The following KLHL25 variants were observed in gnomAD, a reference collection of about 807,000 sequenced individuals.
KLHL25 encodes the protein kelch-like protein 25.
In KLHL25, 41 loss-of-function variants were observed where a neutral mutation model predicts 30.0. The ratio of observed to expected loss-of-function variants is 1.37; its 90% CI spans 1.07 to 1.78. KLHL25 has a LOEUF of 1.78. Ranked by LOEUF, KLHL25 falls within the 40% of genes most tolerant of loss-of-function variation. The pLI is 0.00. For synonymous variants in KLHL25, 399 were observed against 355.3 expected, an observed-to-expected ratio of 1.12 and a Z score of -1.38; for missense variants, 971 against 824.5, an observed-to-expected ratio of 1.18 and a Z score of -2.18.
At chr15:85,763,084 G>A (rs1466336953) in intron 2 of KLHL25, 2 of 152,352 alleles carry the variant, frequency 1.3e-5, no homozygotes, top group Non-Finnish European at 1.5e-5. Context: ...TAAAGGGCCT[G>A]GAGTACGGGG....
intron 1 of KLHL25, among the ~76,000 whole-genome samples, chr15:85,784,970 T>C (rs377270407): frequency 1.3e-5 from 2 of 152,204 alleles, no homozygotes; most frequent in Non-Finnish European, 2.9e-5. Context: ...CTAGTCATAA[T>C]GTATAGACAT....
chr15:85,760,999 T>G lies in KLHL25; in HGVS notation c.*37A>C, dbSNP rs1165446025. 6.6e-6 allele frequency: 1 copy of G among 152,418 alleles called. No homozygotes were observed. Among genetic ancestry groups the G allele is most frequent in the Admixed American group, 6.5e-5 (1 of 15,294 alleles). The allele number at this position is 152,418 out of a possible 1,614,324, so 9.4% of individuals were successfully genotyped here. ...GACAAGCAAGGCCACGCTGTGACAC[T>G]GAAGGCCGCGGTCTGTGGAGGGAGG... On this transcript the variant is annotated 3_prime_UTR_variant, in exon 3 of 3. Transcript: ENST00000337975.
In KLHL25 at chr15:85,785,356, G is replaced by C. The variant is rs375132751; in HGVS notation, c.-11+9410C>G. Reference sequence around the variant, plus strand: ...GATCTGCCTGCCTCAGCCTCCCAAAGTGCTGGGATTACAGGCATGAGCCAC... The same window carrying C: ...GATCTGCCTGCCTCAGCCTCCCAAACTGCTGGGATTACAGGCATGAGCCAC... On this transcript the variant is annotated intron_variant, in intron 1 of 2. Coordinates refer to ENST00000337975, the MANE Select transcript of KLHL25 (RefSeq NM_022480.4). Among the ~76,000 whole-genome samples the C allele has an allele frequency of 2.0e-4, 31 of 152,318 alleles. No individual in the cohort carries two copies. The East Asian group carries it at 5.4e-3, about 27-fold the overall frequency.
At chr15:85,791,390 G>A (rs887919096) in intron 1 of KLHL25, among the ~76,000 whole-genome samples, 2 of 152,128 alleles carry the variant, frequency 1.3e-5, no homozygotes, top group Non-Finnish European at 2.9e-5. Flanking sequence ...AGCTACTCAG[G>A]AGGCTGAGGC....
chr15:85,791,194 C>CA (rs67417642), intron 1 of KLHL25, among the ~76,000 whole-genome samples: 66,876 of 118,934 alleles, frequency 0.56, 19,816 homozygotes, highest in African/African-American at 0.79. Flanking sequence ...GACTCAGTCT[C>CA]AAAAAAAAAA....
At chr15:85,783,313 C>T (rs1013769687) in intron 1 of KLHL25, among the ~76,000 whole-genome samples, 26 of 151,678 alleles carry the variant, frequency 1.7e-4, no homozygotes, top group African/African-American at 5.8e-4. Flanking sequence ...AGGCTGGTCT[C>T]GAACTCCTGA....
At position 85,779,927 on chromosome 15, in the gene KLHL25, T is replaced by C. The variant is rs1345855179; in HGVS notation, c.-10-10107A>G. On this transcript the variant is annotated intron_variant, in intron 1 of 2. Coordinates refer to ENST00000337975, the MANE Select transcript of KLHL25 (RefSeq NM_022480.4). ...GCTTCTGTTGGTTCACTGTATTCTC[T>C]TGAGATAAATCCTTTTGAGAAAAAA... 3.9e-5 allele frequency among the ~76,000 whole-genome samples: 6 copies of C among 152,244 alleles called. No homozygotes were observed. The East Asian group carries it at 1.2e-3, about 29-fold the overall frequency.
At chr15:85,776,468 G>A (rs981766342) in intron 1 of KLHL25, among the ~76,000 whole-genome samples, 3 of 152,128 alleles carry the variant, frequency 2.0e-5, no homozygotes, top group African/African-American at 2.4e-5. Context: ...CAGCCTGGGC[G>A]ACAGAGAGGC....
intron 1 of KLHL25, among the ~76,000 whole-genome samples, chr15:85,772,715 G>C (rs2089685265): frequency 6.6e-6 from 1 of 152,184 alleles, no homozygotes; most frequent in Non-Finnish European, 1.5e-5. Context: ...ATTGAAACAG[G>C]GCAGCCACAA....
In KLHL25 at chr15:85,769,254, T is replaced by C. The variant is rs142617218; in HGVS notation, c.557A>G (p.Asn186Ser). The change falls in exon 2 of 3, where the codon AAC (asparagine) becomes AGC (serine). Residue 186 changes from asparagine to serine, a missense_variant. Transcript: ENST00000337975. ...FETVRQSEDF[N>S]SLSKDTLLDL... ...CAGCAGTGTGTCCTTGGACAGGCTG[T>C]TGAAGTCCTCGCTCTGCCTCACCGT... The C allele has an allele frequency of 5.6e-6, 9 of 1,613,524 alleles. No homozygotes were observed. Among genetic ancestry groups the C allele is most frequent in the Admixed American group, 1.7e-5 (1 of 60,008 alleles).
chr15:85,770,942 G>C, intron 1 of KLHL25: 1 of 234,010 alleles, frequency 4.3e-6, no homozygotes, highest in Non-Finnish European at 8.5e-6. Flanking sequence ...TCAGTACTTT[G>C]AACTCAAGGC....
chr15:85,782,703 C>T (rs1183286379), intron 1 of KLHL25, among the ~76,000 whole-genome samples: 2 of 152,086 alleles, frequency 1.3e-5, no homozygotes, highest in East Asian at 3.8e-4. Flanking sequence ...AATGTGGTGC[C>T]CCATGCGACA....
chr15:85,784,992 C>G (rs2089771307), intron 1 of KLHL25, among the ~76,000 whole-genome samples: 1 of 152,150 alleles, frequency 6.6e-6, no homozygotes, highest in Non-Finnish European at 1.5e-5. Flanking sequence ...AAAAACACAC[C>G]AGGTAATTAT....
At chr15:85,781,106 A>G (rs888370) in intron 1 of KLHL25, among the ~76,000 whole-genome samples, 74,586 of 151,994 alleles carry the variant, frequency 0.49, 18,402 homozygotes, top group Middle Eastern at 0.53. Context: ...AGGCCAAGGT[A>G]GGTGGATCAC....
chr15:85,771,449 G>A (rs2089671807), intron 1 of KLHL25, among the ~76,000 whole-genome samples: 1 of 152,340 alleles, frequency 6.6e-6, no homozygotes, highest in South Asian at 2.1e-4. Context: ...ACGATTTCAT[G>A]CTTCAGTGAA....
At chr15:85,766,279 T>C (rs2089624905) in intron 2 of KLHL25, among the ~76,000 whole-genome samples, 1 of 152,144 alleles carries the variant, frequency 6.6e-6, no homozygotes, top group Non-Finnish European at 1.5e-5. Context: ...TCTCGTCCTG[T>C]GCTGGAGGCA....
intron 1 of KLHL25, among the ~76,000 whole-genome samples, chr15:85,786,179 A>C (rs545854964): frequency 1.3e-5 from 2 of 152,218 alleles, no homozygotes; most frequent in African/African-American, 4.8e-5. Context: ...TGAGGGTCCC[A>C]TTGTCCCCTT....
At position 85,768,851 on chromosome 15, in the gene KLHL25, G is replaced by T; in HGVS notation, c.960C>A (p.Ile320=). ...IYQVDHKAKE[I]IPKADLPSPR... is the part of the protein sequence containing the mutation. ...GGCTGGGCAGGTCGGCCTTGGGGAT[G>T]ATCTCCTTGGCCTTGTGGTCCACCT... The change falls in exon 2 of 3, where the codon ATC becomes ATA. Residue 320 remains isoleucine (I), a synonymous_variant. Coordinates refer to ENST00000337975, the MANE Select transcript of KLHL25 (RefSeq NM_022480.4). 1 of 1,613,388 alleles carries T rather than the reference G, an allele frequency of 6.2e-7. No individual in the cohort carries two copies. The highest frequency in any genetic ancestry group is 1.3e-5 in the African/African-American group (1 of 75,080).
At chr15:85,783,630 T>C (rs1597280237) in intron 1 of KLHL25, among the ~76,000 whole-genome samples, 1 of 151,164 alleles carries the variant, frequency 6.6e-6, no homozygotes, top group South Asian at 2.1e-4. Flanking sequence ...AGGTGCAGCT[T>C]GCAGTGAGCT....
Sources: gnomAD v4.1 joint callset for allele counts (sites outside exome capture counted in the v4.1 genomes callset) on GRCh38, gnomAD v4.1.1 for gene constraint, MANE v1.5 for transcripts, NCBI Gene and HGNC (gene_info 2026-07-23, HGNC 2026-07-21) for gene names.